CCSER2: variants seen among roughly 807,000 people sequenced by gnomAD.
CCSER2 encodes the protein serine-rich coiled-coil domain-containing protein 2.
CCSER2 carries 46 observed loss-of-function variants against 92.3 expected under a neutral mutation model. The ratio of observed to expected loss-of-function variants is 0.50; its 90% CI spans 0.39 to 0.64. CCSER2 has a LOEUF of 0.64. Among genes scored for constraint, CCSER2 ranks in the 30% least tolerant of loss-of-function variants. The probability of loss-of-function intolerance (pLI) is 0.00; values close to 1 mark genes in which losing one functional copy is unlikely to be tolerated. For missense variants in CCSER2, 1,244 were observed against 1,238.9 expected (o/e 1.00, Z -0.06); for synonymous variants, 433 against 431.4 (o/e 1.00, Z -0.04).
chr10:84,505,548 C>T (rs922537360), intron 9 of CCSER2, among the ~76,000 whole-genome samples: 19 of 152,114 alleles, frequency 1.2e-4, no homozygotes, highest in Non-Finnish European at 2.8e-4. Context: ...AGTGACTTTT[C>T]ATAAAAATAA....
intron 8 of CCSER2, among the ~76,000 whole-genome samples, chr10:84,475,889 G>T (rs1036387913): frequency 2.6e-5 from 4 of 151,018 alleles, no homozygotes; most frequent in African/African-American, 9.7e-5. Flanking sequence ...ATGGAGTGCG[G>T]TGGTGCAATC....
intron 1 of CCSER2, among the ~76,000 whole-genome samples, chr10:84,359,653 C>G (rs1360829158): frequency 2.0e-5 from 3 of 151,924 alleles, no homozygotes; most frequent in Non-Finnish European, 2.9e-5. Flanking sequence ...TGTAGAGATC[C>G]AGGGTTTGGG....
Position 84,460,086 on chromosome 10 carries a change from G to A in CCSER2, c.2065-3847G>A, listed in dbSNP as rs534064099. Among the ~76,000 whole-genome samples, 171 of 105,802 alleles carry A rather than the reference G, an allele frequency of 1.6e-3. 1 individual carries two copies. Among genetic ancestry groups the A allele is most frequent in the Admixed American group, 4.8e-3 (41 of 8,580 alleles). 69.4% of individuals were successfully genotyped at this position (105,802 alleles called of 152,430 possible). On this transcript the variant is annotated intron_variant, in intron 6 of 9. Coordinates refer to ENST00000372088, the MANE Select transcript of CCSER2 (RefSeq NM_001284240.2). The stretch of plus-strand genomic sequence containing the variant: ...TACATATTGTTGGTTTTGATTCTTC[G>A]ATTTTTTTTTTTTTTTTTTTTGAGA...
At chr10:84,361,655 T>A (rs1845508394) in intron 1 of CCSER2, among the ~76,000 whole-genome samples, 1 of 152,144 alleles carries the variant, frequency 6.6e-6, no homozygotes. Flanking sequence ...TCTTTTTTTT[T>A]TTTGAGATGG....
chr10:84,469,009 TG>T (rs774114687), intron 7 of CCSER2, among the ~76,000 whole-genome samples: 1 of 152,166 alleles, frequency 6.6e-6, no homozygotes, highest in Non-Finnish European at 1.5e-5. Flanking sequence ...ACCAGTTATA[TG>T]TATATTTGTG....
chr10:84,460,575 A>T (rs1846050321), intron 6 of CCSER2, among the ~76,000 whole-genome samples: 1 of 151,258 alleles, frequency 6.6e-6, no homozygotes, highest in African/African-American at 2.4e-5. Context: ...TTTTGGAACA[A>T]TTTGCCAGTA....
chr10:84,398,177 A>G (rs554361396), intron 3 of CCSER2, among the ~76,000 whole-genome samples: 1 of 152,208 alleles, frequency 6.6e-6, no homozygotes, highest in East Asian at 1.9e-4. Flanking sequence ...ACCTTCTAAA[A>G]ACTGCCTTTG....
At chr10:84,410,190 C>T (rs56099702) in intron 3 of CCSER2, among the ~76,000 whole-genome samples, 14,362 of 152,132 alleles carry the variant, frequency 0.094, 787 homozygotes, top group Non-Finnish European at 0.12. Context: ...GATTCCATGT[C>T]TCTGCTACTG....
At chr10:84,437,794 C>A (rs1395723149) in intron 5 of CCSER2, among the ~76,000 whole-genome samples, 2 of 141,644 alleles carry the variant, frequency 1.4e-5, no homozygotes, top group Non-Finnish European at 3.0e-5. Context: ...CTCACTGCAA[C>A]CTCCGCCTCC....
intron 3 of CCSER2, among the ~76,000 whole-genome samples, chr10:84,384,130 TA>T (rs1413767328): frequency 6.6e-6 from 1 of 152,060 alleles, no homozygotes; most frequent in African/African-American, 2.4e-5. Flanking sequence ...AATTAGTCAT[TA>T]AAAAAACTAC....
At chr10:84,389,418 T>C (rs943543492) in intron 3 of CCSER2, 1 of 489,336 alleles carries the variant, frequency 2.0e-6, no homozygotes, top group Non-Finnish European at 4.1e-6. Flanking sequence ...AGGGCTTTGA[T>C]GATCGGTGCA....
chr10:84,470,557 G>T, intron 8 of CCSER2, 99 bp downstream of exon 8: 1 of 1,064,032 alleles, frequency 9.4e-7, no homozygotes, highest in Non-Finnish European at 1.2e-6. Context: ...TTTATTTTTG[G>T]CTCTCAAAGT....
At chr10:84,380,933 G>A (rs1218566814) in intron 3 of CCSER2, among the ~76,000 whole-genome samples, 1 of 152,118 alleles carries the variant, frequency 6.6e-6, no homozygotes, top group Non-Finnish European at 1.5e-5. Context: ...CTGACCTCGT[G>A]ATCTGCCCAC....
chr10:84,483,385 C>A (rs1375291700), intron 9 of CCSER2, among the ~76,000 whole-genome samples: 1 of 147,276 alleles, frequency 6.8e-6, no homozygotes. Flanking sequence ...AAGAATGAAA[C>A]TCTGTCTCAA....
chr10:84,459,101 G>T (rs1209954904), intron 6 of CCSER2, among the ~76,000 whole-genome samples: 1 of 152,054 alleles, frequency 6.6e-6, no homozygotes, highest in Non-Finnish European at 1.5e-5. Context: ...CCTGCTTCCT[G>T]GATTCAAGCG....
At chr10:84,462,699 C>T (rs1045694759) in intron 6 of CCSER2, among the ~76,000 whole-genome samples, 1 of 152,198 alleles carries the variant, frequency 6.6e-6, no homozygotes, top group African/African-American at 2.4e-5. Context: ...TTGGCAAACA[C>T]TTACTCTCTT....
At chr10:84,391,541 T>G (rs1841519751) in intron 3 of CCSER2, 1 of 1,498,302 alleles carries the variant, frequency 6.7e-7, no homozygotes, top group East Asian at 2.3e-5. Context: ...AGAATTCATT[T>G]CAGTCTGCAA....
chr10:84,391,307 C>T (rs1022765222), intron 3 of CCSER2: 2 of 1,455,430 alleles, frequency 1.4e-6, no homozygotes, highest in Non-Finnish European at 1.9e-6. Flanking sequence ...GTTAGTGTCT[C>T]TTGATTTACT....
At chr10:84,373,541 A>C in intron 2 of CCSER2, 78 bp from the exon 3 acceptor site, 1 of 1,125,042 alleles carries the variant, frequency 8.9e-7, no homozygotes, top group East Asian at 2.6e-5. Flanking sequence ...ATGATATATC[A>C]AATTATTAGC....
Sources: allele counts gnomAD v4.1 joint callset (sites outside exome capture counted in the v4.1 genomes callset), GRCh38; gene constraint gnomAD v4.1.1; transcripts MANE v1.5; gene names NCBI Gene and HGNC (gene_info 2026-07-23, HGNC 2026-07-21).